CIAPIN1: variants seen among roughly 807,000 people sequenced by gnomAD.
CIAPIN1 encodes cytokine induced apoptosis inhibitor 1.
Under a neutral mutation model 34.3 loss-of-function variants are expected in CIAPIN1, and 18 were observed. The observed-to-expected ratio is 0.52, with a 90% CI of 0.36 to 0.78. The LOEUF is 0.78. CIAPIN1 is among the 30% of genes least tolerant of loss of function. The pLI, the probability that CIAPIN1 is intolerant of heterozygous loss-of-function variation, is 0.00. For synonymous variants in CIAPIN1, 131 were observed against 140.4 expected (o/e 0.93, Z 0.47); for missense variants, 310 against 372.5 (o/e 0.83, Z 1.38).
intron 6 of CIAPIN1, 101 bp downstream of exon 6, chr16:57,432,386 A>T: frequency 1.1e-6 from 1 of 924,448 alleles, no homozygotes; most frequent in Non-Finnish European, 1.7e-6. Flanking sequence ...TCTGGGCTTT[A>T]AATACGTTCA....
At chr16:57,442,562 T>C (rs954743158) in intron 1 of CIAPIN1, among the ~76,000 whole-genome samples, 3 of 151,892 alleles carry the variant, frequency 2.0e-5, no homozygotes, top group Non-Finnish European at 2.9e-5. Flanking sequence ...AGTAATCTTA[T>C]GTAGTCCCAG....
chr16:57,445,855 T>G (rs988163491), intron 1 of CIAPIN1, among the ~76,000 whole-genome samples: 1 of 140,938 alleles, frequency 7.1e-6, no homozygotes, highest in East Asian at 2.1e-4. Flanking sequence ...TTTTTTTTTT[T>G]TTTTTTTTTT....
chr16:57,430,453 C>G, intron 7 of CIAPIN1, 114 bp from the exon 8 acceptor site: 1 of 934,486 alleles, frequency 1.1e-6, no homozygotes, highest in South Asian at 1.4e-5. Context: ...TGTCATAACT[C>G]AGAAGCCTAT....
chr16:57,441,058 C>T, intron 1 of CIAPIN1, 75 bp from the exon 2 acceptor site: 1 of 951,676 alleles, frequency 1.1e-6, no homozygotes, highest in Admixed American at 2.9e-5. Context: ...TAACTTGTAA[C>T]CGCCCACTAG....
At chr16:57,447,016 G>C (rs553692117) in intron 1 of CIAPIN1, among the ~76,000 whole-genome samples, 3 of 152,172 alleles carry the variant, frequency 2.0e-5, no homozygotes, top group Non-Finnish European at 2.9e-5. Flanking sequence ...TCAGAACCAG[G>C]TCTCCCCGAT....
chr16:57,430,085 C>T lies in CIAPIN1; in HGVS notation c.828+173G>A, dbSNP rs529650737. ...TCCCTGACCAGCACAAGCACGCTAA[C>T]CCACTCTCACTCTCAGGAGACAGCC... On this transcript the variant is annotated intron_variant, in intron 8 of 8. Transcript: ENST00000394391. 9.2e-5 allele frequency among the ~76,000 whole-genome samples: 14 copies of T among 152,322 alleles called. No individual in the cohort carries two copies. In the South Asian group the frequency reaches 2.5e-3, roughly 27 times the overall value.
intron 3 of CIAPIN1, 87 bp downstream of exon 3, chr16:57,439,095 A>G (rs1008189612): frequency 1.4e-5 from 19 of 1,364,618 alleles, no homozygotes; most frequent in East Asian, 2.3e-5. Flanking sequence ...TGATCTCCCA[A>G]TGATACCTCC....
At position 57,431,144 on chromosome 16, in the gene CIAPIN1, C is replaced by T. The variant is rs1216512960; in HGVS notation, c.746+7G>A. ...GCATGGCAGGCTCCAGTCACCCCAGCACTCACCAGTTCTTACAGGCCTTCC... is the reference window on the plus strand; with the variant it reads ...GCATGGCAGGCTCCAGTCACCCCAGTACTCACCAGTTCTTACAGGCCTTCC... On this transcript the variant is annotated splice_region_variant and intron_variant, in intron 7 of 8. Coordinates refer to ENST00000394391, the MANE Select transcript of CIAPIN1 (RefSeq NM_020313.4). The T allele has an allele frequency of 6.3e-7, 1 of 1,585,804 alleles. No homozygotes were observed. The highest frequency in any genetic ancestry group is 8.7e-7 in the Non-Finnish European group (1 of 1,155,498).
rs748490122 is a variant in CIAPIN1 at position 57,430,213 on chromosome 16, C to A, written c.828+45G>T. 5.1e-5 allele frequency: 78 copies of A among 1,534,022 alleles called. No individual in the cohort carries two copies. In the South Asian group the frequency reaches 5.5e-4, roughly 11 times the overall value. ...TGTTTAGTTTAGAAGAAGGTCTAAT[C>A]CCCCTGGGGGTTTGTGAATGCTGAG... On this transcript the variant is annotated intron_variant, in intron 8 of 8. Coordinates refer to ENST00000394391, the MANE Select transcript of CIAPIN1 (RefSeq NM_020313.4).
chr16:57,445,941 G>C (rs2030045498), intron 1 of CIAPIN1, among the ~76,000 whole-genome samples: 1 of 140,258 alleles, frequency 7.1e-6, no homozygotes, highest in African/African-American at 2.7e-5. Context: ...CGACTCCGGG[G>C]TTCAAGCGAT....
chr16:57,430,728 G>A (rs1186575140), intron 7 of CIAPIN1: 9 of 251,700 alleles, frequency 3.6e-5, no homozygotes, highest in African/African-American at 6.6e-5. Flanking sequence ...GATGATTAAC[G>A]CTGATGATGA....
At position 57,428,786 on chromosome 16, in the gene CIAPIN1, T is replaced by C. The variant is rs1475476974; in HGVS notation, c.*384A>G. 5.6e-5 allele frequency: 9 copies of C among 161,008 alleles called. No individual in the cohort carries two copies. Among genetic ancestry groups the C allele is most frequent in the African/African-American group, 1.7e-4 (7 of 41,720 alleles). The allele number at this position is 161,008 out of a possible 1,614,324, so 10.0% of individuals were successfully genotyped here. On this transcript the variant is annotated 3_prime_UTR_variant, in exon 9 of 9. Transcript: ENST00000394391. ...TCTGAAAGACAAGAGGGTGGCAGCA[T>C]TGCTGAGATGAGACTCAAGGCAGGG... is the stretch of plus-strand genomic sequence containing the variant.
chr16:57,443,123 T>C (rs1269968152), intron 1 of CIAPIN1, among the ~76,000 whole-genome samples: 8 of 149,338 alleles, frequency 5.4e-5, no homozygotes. Context: ...AAGACAATAA[T>C]TCTGGTTTTG....
intron 7 of CIAPIN1, among the ~76,000 whole-genome samples, chr16:57,430,870 G>A (rs2146555488): frequency 6.6e-6 from 1 of 152,254 alleles, no homozygotes; most frequent in East Asian, 1.9e-4. Context: ...GGGTTTTGAG[G>A]GAGAGTGAAA....
chr16:57,443,285 G>A (rs1222408748), intron 1 of CIAPIN1, among the ~76,000 whole-genome samples: 5 of 151,380 alleles, frequency 3.3e-5, no homozygotes, highest in Non-Finnish European at 5.9e-5. Context: ...GATTACAGGC[G>A]TGCACCACCA....
chr16:57,444,807 TTG>T (rs1294858042), intron 1 of CIAPIN1, among the ~76,000 whole-genome samples: 1 of 152,222 alleles, frequency 6.6e-6, no homozygotes, highest in African/African-American at 2.4e-5. Flanking sequence ...TGTTGTGAAT[TTG>T]TCTTTTAAAA....
At chr16:57,438,419 G>C (rs1295725650) in intron 3 of CIAPIN1, among the ~76,000 whole-genome samples, 1 of 151,748 alleles carries the variant, frequency 6.6e-6, no homozygotes, top group Non-Finnish European at 1.5e-5. Flanking sequence ...CAGGAAGTTG[G>C]AAAAAACAAA....
rs1176933681 is a variant in CIAPIN1, at chr16:57,432,251, T to C, written c.630+236A>G. Among the ~76,000 whole-genome samples the C allele has an allele frequency of 2.6e-5, 4 of 152,058 alleles. No individual in the cohort carries two copies. The East Asian group carries it at 7.7e-4, about 29-fold the overall frequency. On this transcript the variant is annotated intron_variant, in intron 6 of 8. Transcript: ENST00000394391. ...ATCGCTTGAACCCGGGAGCAGAGAT[T>C]GCAGTAAGCCGAGATTGTGCCATTG...
At position 57,431,069 on chromosome 16, in the gene CIAPIN1, TA is replaced by T. The variant is rs1349510357; in HGVS notation, c.746+81del. 6.7e-5 allele frequency: 50 copies of T among 748,690 alleles called. 1 individual carries two copies. The Admixed American group carries it at 1.0e-3, about 15-fold the overall frequency. The allele number at this position is 748,690 out of a possible 1,614,324, so 46.4% of individuals were successfully genotyped here. On this transcript the variant is annotated intron_variant, in intron 7 of 8. Coordinates refer to ENST00000394391, the MANE Select transcript of CIAPIN1 (RefSeq NM_020313.4). The stretch of plus-strand genomic sequence containing the variant: ...TGCCCAGCCTGGAAAATGTATGTTC[TA>T]AAAATAGTACAGCACCGCGATGTCT...
Sources: gnomAD v4.1 joint callset for allele counts (sites outside exome capture counted in the v4.1 genomes callset) on GRCh38, gnomAD v4.1.1 for gene constraint, MANE v1.5 for transcripts, NCBI Gene and HGNC (gene_info 2026-07-23, HGNC 2026-07-21) for gene names.